Variants in RANBP2 observed in about 807,000 individuals in gnomAD.
RANBP2 encodes the protein E3 SUMO-protein ligase RanBP2.
A neutral mutation model predicts 303.6 loss-of-function variants in RANBP2; 57 were observed. The ratio of observed to expected loss-of-function variants is 0.19; its 90% CI spans 0.15 to 0.23. The LOEUF is 0.23. Among genes scored for constraint, RANBP2 ranks in the 10% least tolerant of loss-of-function variants. The pLI is 1.00. For missense variants in RANBP2, 3,138 were observed against 3,780.8 expected (o/e 0.83, Z 4.46); for synonymous variants, 1,167 against 1,301.5 (o/e 0.90, Z 2.23).
the RANBP2 span, among the ~76,000 whole-genome samples, chr2:109,322,018 G>A: frequency 2.0e-5 from 3 of 152,244 alleles, no homozygotes; most frequent in South Asian, 2.1e-4. Flanking sequence ...GAAGTGGATG[G>A]CTCTTTTTAA....
the RANBP2 span, among the ~76,000 whole-genome samples, chr2:108,831,813 A>T: frequency 6.6e-6 from 1 of 151,724 alleles, no homozygotes; most frequent in African/African-American, 2.4e-5. Context: ...GCCCACTGCA[A>T]CTACTGCCTC....
chr2:108,857,320 C>T, the RANBP2 span, among the ~76,000 whole-genome samples: 2 of 152,054 alleles, frequency 1.3e-5, no homozygotes, highest in African/African-American at 4.8e-5. Context: ...CTGGCAGCCT[C>T]GGCCTCCCAA....
chr2:109,609,112 G>A, the RANBP2 span, among the ~76,000 whole-genome samples: 104 of 152,310 alleles, frequency 6.8e-4, no homozygotes, highest in Non-Finnish European at 1.0e-3. Context: ...ATCGGTCTGG[G>A]ACTATCTGAA....
chr2:108,760,186 T>C (rs1033435213), intron 18 of RANBP2, among the ~76,000 whole-genome samples: 2 of 152,204 alleles, frequency 1.3e-5, no homozygotes, highest in African/African-American at 4.8e-5. Flanking sequence ...TACTCAGAAG[T>C]ACTGAACAGG....
At chr2:109,258,831 G>T in the RANBP2 span, among the ~76,000 whole-genome samples, 545 of 152,352 alleles carry the variant, frequency 3.6e-3, 4 homozygotes, top group Non-Finnish European at 4.6e-3. Context: ...CCATCCAGGG[G>T]CAGTGACCTG....
the RANBP2 span, among the ~76,000 whole-genome samples, chr2:109,134,068 A>C: frequency 6.6e-6 from 1 of 152,172 alleles, no homozygotes. Context: ...TATATACCCG[A>C]GATTTTCTGT....
the RANBP2 span, among the ~76,000 whole-genome samples, chr2:109,519,489 T>C: frequency 2.6e-5 from 4 of 152,224 alleles, no homozygotes; most frequent in African/African-American, 9.6e-5. Context: ...CATCCTGTTG[T>C]TAAAAGAACT....
At chr2:109,702,640 C>T in the RANBP2 span, among the ~76,000 whole-genome samples, 1 of 152,126 alleles carries the variant, frequency 6.6e-6, no homozygotes, top group Non-Finnish European at 1.5e-5. Context: ...TATTTTGGAG[C>T]GTTCCTTCTA....
At chr2:108,898,298 T>C in the RANBP2 span, among the ~76,000 whole-genome samples, 138,738 of 151,704 alleles carry the variant, frequency 0.91, 63,512 homozygotes, top group East Asian at 1. Flanking sequence ...TAAAAACTCC[T>C]CTGCCCCCGT....
At chr2:109,683,585 G>T in the RANBP2 span, among the ~76,000 whole-genome samples, 1 of 152,044 alleles carries the variant, frequency 6.6e-6, no homozygotes, top group Non-Finnish European at 1.5e-5. Context: ...TTGGCTGGGG[G>T]CCTGGGCTTC....
chr2:109,618,479 C>T, the RANBP2 span: 1 of 166,984 alleles, frequency 6.0e-6, no homozygotes, highest in Admixed American at 6.5e-5. Flanking sequence ...TTTAACTTTT[C>T]TGATAAAATA....
At chr2:108,791,596 A>G in the RANBP2 span, 1 of 1,477,250 alleles carries the variant, frequency 6.8e-7, no homozygotes, top group Non-Finnish European at 9.4e-7. Flanking sequence ...TATGCTGTTA[A>G]TATTTGAAAA....
the RANBP2 span, chr2:109,546,296 C>A: frequency 8.4e-7 from 1 of 1,190,006 alleles, no homozygotes; most frequent in Non-Finnish European, 1.2e-6. Context: ...GGCACGCTCT[C>A]CAGCTCAGCA....
At chr2:109,684,866 A>T in the RANBP2 span, among the ~76,000 whole-genome samples, 102 of 149,664 alleles carry the variant, frequency 6.8e-4, 1 homozygote, top group Admixed American at 2.2e-3. Context: ...AAATTAAATT[A>T]AATTAATTAA....
chr2:109,536,300 G>C, the RANBP2 span, among the ~76,000 whole-genome samples: 2 of 152,198 alleles, frequency 1.3e-5, no homozygotes, highest in Non-Finnish European at 2.9e-5. Flanking sequence ...AAGCCACAAG[G>C]GCAGAGCTGC....
At chr2:108,911,737 A>G in the RANBP2 span, among the ~76,000 whole-genome samples, 1 of 152,068 alleles carries the variant, frequency 6.6e-6, no homozygotes, top group Non-Finnish European at 1.5e-5. Context: ...ATTGTCTTGA[A>G]CTAAGATCCA....
At chr2:109,740,163 A>G in the RANBP2 span, among the ~76,000 whole-genome samples, 2 of 150,670 alleles carry the variant, frequency 1.3e-5, no homozygotes, top group South Asian at 4.2e-4. Context: ...TAATTTCTGT[A>G]TTTTTAGTAG....
At chr2:109,545,131 G>C in the RANBP2 span, 2 of 985,266 alleles carry the variant, frequency 2.0e-6, no homozygotes, top group African/African-American at 3.5e-5. Context: ...CAGATGTGTT[G>C]CTCTGTGGGG....
chr2:109,206,490 C>CAAAAAAAAAAAAA, the RANBP2 span, among the ~76,000 whole-genome samples: 30 of 40,760 alleles, frequency 7.4e-4, no homozygotes, highest in African/African-American at 2.7e-3. Flanking sequence ...GACTCCGTCT[C>CAAAAAAAAAAAAA]AAAAAAAAAA....
Sources: gnomAD v4.1 joint callset for allele counts (sites outside exome capture counted in the v4.1 genomes callset) on GRCh38, gnomAD v4.1.1 for gene constraint, MANE v1.5 for transcripts, NCBI Gene and HGNC (gene_info 2026-07-23, HGNC 2026-07-21) for gene names.